Variants in SCARA3 observed in about 807,000 individuals in gnomAD.
SCARA3 encodes cellular stress response gene protein.
Under a neutral mutation model 47.0 loss-of-function variants are expected in SCARA3, and 39 were observed. The observed-to-expected ratio is 0.83, with a 90% CI of 0.64 to 1.08. SCARA3 has a LOEUF of 1.08. SCARA3 is among the 50% of genes least tolerant of loss of function. The pLI, the probability that SCARA3 is intolerant of heterozygous loss-of-function variation, is 0.00. For synonymous variants in SCARA3, 356 were observed against 334.1 expected (o/e 1.07, Z -0.71); for missense variants, 724 against 792.3 (o/e 0.91, Z 1.04).
chr8:27,727,884 A>G, the SCARA3 span, among the ~76,000 whole-genome samples: 1 of 152,206 alleles, frequency 6.6e-6, no homozygotes, highest in Admixed American at 6.5e-5. Context: ...AAGATGTGAC[A>G]ATTTAAAGGA....
the SCARA3 span, among the ~76,000 whole-genome samples, chr8:27,704,930 A>G: frequency 1.3e-5 from 2 of 152,118 alleles, no homozygotes; most frequent in African/African-American, 2.4e-5. Flanking sequence ...CCTTGGTGAC[A>G]TCATGTTTTC....
the SCARA3 span, among the ~76,000 whole-genome samples, chr8:27,726,393 A>C: frequency 6.6e-6 from 1 of 151,834 alleles, no homozygotes; most frequent in Admixed American, 6.6e-5. Flanking sequence ...GCAACAGAGC[A>C]AGACATTGTC....
rs1010470420 is a variant in SCARA3, at chr8:27,668,397, G to A, written c.1370-2503G>A. Among the ~76,000 whole-genome samples, 72 of 151,084 alleles carry A rather than the reference G, an allele frequency of 4.8e-4. 1 individual carries two copies. The highest frequency in any genetic ancestry group is 4.5e-3 in the Admixed American group (68 of 15,168). ...CTACTAAAAATACAAAAAATTAGCC[G>A]GGCGCGGTGGCGGGCGCCTGTAGTC... is the stretch of plus-strand genomic sequence containing the variant. On this transcript the variant is annotated intron_variant, in intron 5 of 5. Transcript: ENST00000301904.
chr8:27,728,652 GA>G, the SCARA3 span, among the ~76,000 whole-genome samples: 1 of 152,180 alleles, frequency 6.6e-6, no homozygotes, highest in Non-Finnish European at 1.5e-5. Context: ...CTGAAGTTCT[GA>G]ATTATATGTG....
At chr8:27,715,589 TGATAGATAGATAGATAGATA>T in the SCARA3 span, among the ~76,000 whole-genome samples, 1 of 45,722 alleles carries the variant, frequency 2.2e-5, no homozygotes, top group Non-Finnish European at 4.0e-5. This position sits in a 1 kb window ranked among gnomAD's most constrained non-coding sequence, Gnocchi z 4.2. Flanking sequence ...CCTAGATAGA[TGATAGATAGATAGATAGATA>T]GATAGATAGA....
chr8:27,715,845 GATAGATAGATAGATAGATAC>G, the SCARA3 span, among the ~76,000 whole-genome samples: 508 of 131,308 alleles, frequency 3.9e-3, 5 homozygotes, highest in East Asian at 6.0e-3. The surrounding 1 kb of genome is among the most constrained non-coding windows in gnomAD (Gnocchi z 4.2). Context: ...TAGATAGATA[GATAGATAGATAGATAGATAC>G]ATAGATAGAT....
At chr8:27,646,978 C>CCCCCCCCCCA (rs1801514724) in intron 1 of SCARA3, among the ~76,000 whole-genome samples, 1 of 110,492 alleles carries the variant, frequency 9.1e-6, no homozygotes. Context: ...CCCCGCCCCC[C>CCCCCCCCCCA]CCCCGCACAC....
At position 27,672,004 on chromosome 8, in the gene SCARA3, C is replaced by T; in HGVS notation, c.*653C>T. 1.0e-6 allele frequency: 1 copy of T among 985,344 alleles called. No homozygotes were observed. The highest frequency in any genetic ancestry group is 1.2e-6 in the Non-Finnish European group (1 of 829,916). 61.0% of individuals were successfully genotyped at this position (985,344 alleles called of 1,614,324 possible). A position where few individuals can be genotyped will look rare whatever the true frequency, so the allele number is the denominator to read the frequency against. ...CATGCTGGCCAGCAGTTTCCCAGGG[C>T]TCCCTGGGGTTGAAAAGCCCCAAGG... On this transcript the variant is annotated 3_prime_UTR_variant, in exon 6 of 6. Transcript: ENST00000301904.
chr8:27,673,839 G>A (rs1034271968), downstream of SCARA3, among the ~76,000 whole-genome samples: 1 of 152,192 alleles, frequency 6.6e-6, no homozygotes, highest in Non-Finnish European at 1.5e-5. Context: ...ACCAGCCCCT[G>A]CATGTCTCAT....
At chr8:27,711,550 T>C in the SCARA3 span, among the ~76,000 whole-genome samples, 1 of 152,168 alleles carries the variant, frequency 6.6e-6, no homozygotes, top group Non-Finnish European at 1.5e-5. Flanking sequence ...AAAATTCTTT[T>C]AAGAACCCTA....
At chr8:27,696,880 C>G in the SCARA3 span, among the ~76,000 whole-genome samples, 1 of 152,004 alleles carries the variant, frequency 6.6e-6, no homozygotes, top group Non-Finnish European at 1.5e-5. Flanking sequence ...TTGCCAGGGG[C>G]AGTGATGGGA....
Position 27,672,192 on chromosome 8 carries a change from CAGTGCCCCCTG to C in SCARA3, c.*844_*854del. ...GGCTGACATTCTCTGGCCTTGCACA[CAGTGCCCCCTG>C]AGAAGTTCAACATTTATTTCTTCAC... On this transcript the variant is annotated 3_prime_UTR_variant, in exon 6 of 6. Coordinates refer to ENST00000301904, the MANE Select transcript of SCARA3 (RefSeq NM_016240.3). 1.0e-6 allele frequency: 1 copy of C among 985,490 alleles called. No individual in the cohort carries two copies. The highest frequency in any genetic ancestry group is 1.1e-4 in the East Asian group (1 of 8,816). 61.0% of individuals were successfully genotyped at this position (985,490 alleles called of 1,614,324 possible). A position where few individuals can be genotyped will look rare whatever the true frequency, so the allele number is the denominator to read the frequency against.
chr8:27,706,149 G>T, the SCARA3 span, among the ~76,000 whole-genome samples: 1 of 152,032 alleles, frequency 6.6e-6, no homozygotes, highest in Non-Finnish European at 1.5e-5. Flanking sequence ...GAGTTTATTT[G>T]TTTGTTTTTG....
rs959701928 is a variant in SCARA3, at chr8:27,672,585, C to T, written c.*1234C>T. The T allele has an allele frequency of 9.7e-5, 96 of 985,560 alleles. No individual in the cohort carries two copies. Among genetic ancestry groups the T allele is most frequent in the Non-Finnish European group, 1.1e-4 (91 of 830,148 alleles). 61.1% of individuals were successfully genotyped at this position (985,560 alleles called of 1,614,324 possible). A position where few individuals can be genotyped will look rare whatever the true frequency, so the allele number is the denominator to read the frequency against. On this transcript the variant is annotated 3_prime_UTR_variant, in exon 6 of 6. Coordinates refer to ENST00000301904, the MANE Select transcript of SCARA3 (RefSeq NM_016240.3). ...CCACCGGGACCCACAATGGCCCGAGCCCTCTTTGCATGGGCAGCCAGCTGG... is the reference window on the plus strand; with the variant it reads ...CCACCGGGACCCACAATGGCCCGAGTCCTCTTTGCATGGGCAGCCAGCTGG...
At chr8:27,668,920 G>T (rs1802080951) in intron 5 of SCARA3, among the ~76,000 whole-genome samples, 2 of 152,218 alleles carry the variant, frequency 1.3e-5, no homozygotes, top group Non-Finnish European at 2.9e-5. Context: ...TGGTGGCATA[G>T]AAAGGAATGG....
At chr8:27,730,061 C>A in the SCARA3 span, among the ~76,000 whole-genome samples, 2 of 152,134 alleles carry the variant, frequency 1.3e-5, no homozygotes, top group African/African-American at 2.4e-5. Flanking sequence ...TGGGGCCAGT[C>A]CTGTTCCCAC....
At chr8:27,684,137 T>C in the SCARA3 span, among the ~76,000 whole-genome samples, 1 of 152,152 alleles carries the variant, frequency 6.6e-6, no homozygotes, top group Non-Finnish European at 1.5e-5. Flanking sequence ...TAGACAGGTA[T>C]CTACATTTGG....
chr8:27,662,849 G>T (rs1801940202), intron 5 of SCARA3, among the ~76,000 whole-genome samples: 2 of 152,218 alleles, frequency 1.3e-5, no homozygotes, highest in African/African-American at 4.8e-5. Flanking sequence ...AGCCCATTGG[G>T]CAATGACAGT....
the SCARA3 span, among the ~76,000 whole-genome samples, chr8:27,690,234 TCAGTCAGGGAGTC>T: frequency 3.9e-5 from 6 of 152,260 alleles, no homozygotes; most frequent in African/African-American, 1.4e-4. Flanking sequence ...TTTCCTCCCA[TCAGTCAGGGAGTC>T]CACAGGCCAG....
Sources: allele counts gnomAD v4.1 joint callset (sites outside exome capture counted in the v4.1 genomes callset), GRCh38; gene constraint gnomAD v4.1.1; non-coding constraint Gnocchi (gnomAD v3.1); transcripts MANE v1.5; gene names NCBI Gene and HGNC (gene_info 2026-07-23, HGNC 2026-07-21).